The following SV2A variants were observed in gnomAD, a reference collection of about 807,000 sequenced individuals.
SV2A encodes solute carrier family 22 member B1.
SV2A carries 25 observed loss-of-function variants against 78.0 expected under a neutral mutation model. The observed-to-expected ratio is 0.32, with a 90% CI of 0.23 to 0.45. The LOEUF (loss-of-function observed/expected upper bound fraction) is 0.45, where lower values mean the gene tolerates loss of function less well. SV2A is among the 20% of genes least tolerant of loss of function. SV2A has a pLI of 1.00. For missense variants in SV2A, 752 were observed against 971.5 expected (o/e 0.77, Z 3.00); for synonymous variants, 355 against 384.7 (o/e 0.92, Z 0.90).
At chr1:149,906,895 G>C (rs369255585) in intron 10 of SV2A, 39 bp from the exon 11 acceptor site, 3 of 1,610,746 alleles carry the variant, frequency 1.9e-6, no homozygotes, top group African/African-American at 2.7e-5. Context: ...AGTCATAGCA[G>C]ATGGGAGAGG....
Position 149,903,323 on chromosome 1 carries a change from TATTTTGAGG to T in SV2A, c.*1682_*1690del, listed in dbSNP as rs2092411465. ...CACAGAAGCAGGTATAGCCATTTTG[TATTTTGAGG>T]ATTTGTTTCCGTTTTATTTTTCGTC... is the stretch of plus-strand genomic sequence containing the variant. On this transcript the variant is annotated 3_prime_UTR_variant, in exon 13 of 13. Coordinates refer to ENST00000369146, the MANE Select transcript of SV2A (RefSeq NM_014849.5). 6.6e-6 allele frequency: 1 copy of T among 152,280 alleles called. No homozygotes were observed. Among genetic ancestry groups the T allele is most frequent in the Non-Finnish European group, 1.5e-5 (1 of 68,068 alleles). The allele number at this position is 152,280 out of a possible 1,614,324, so 9.4% of individuals were successfully genotyped here. A position where few individuals can be genotyped will look rare whatever the true frequency, so the allele number is the denominator to read the frequency against.
At chr1:149,905,529 C>T (rs1268484672) in intron 12 of SV2A, 2 of 293,704 alleles carry the variant, frequency 6.8e-6, no homozygotes, top group Non-Finnish European at 1.3e-5. Context: ...TCTCGGCTCA[C>T]TGAAAGCTCC....
rs782667190 is a variant in SV2A, at chr1:149,910,556, C to T, written c.1089+14G>A. ...CCGCACCCCACCCCACCCCATGCAG[C>T]TCAGCCCCATCACCTCTAGGAAGAA... On this transcript the variant is annotated intron_variant, in intron 5 of 12. Transcript: ENST00000369146. This position sits in a 1 kb window ranked among gnomAD's most constrained non-coding sequence, Gnocchi z 4.2. The T allele has an allele frequency of 6.3e-7, 1 of 1,597,492 alleles. No individual in the cohort carries two copies. The highest frequency in any genetic ancestry group is 2.3e-5 in the East Asian group (1 of 44,224).
intron 11 of SV2A, 104 bp downstream of exon 11, chr1:149,906,546 C>A (rs1553762774): frequency 1.6e-6 from 2 of 1,245,354 alleles, no homozygotes; most frequent in Admixed American, 4.1e-5. Flanking sequence ...GAGAGAGGAA[C>A]TCTCTGACCA....
chr1:149,917,841 A>G lies in SV2A; in HGVS notation c.-450T>C, dbSNP rs2092526683. On this transcript the variant is annotated 5_prime_UTR_variant, in exon 1 of 13. Transcript: ENST00000369146. ...TGCTCCCGGCACCAGGGAAGCGGCAATGCAGACCTGCCACCCCCCTTCCAC... is the reference window on the plus strand; with the variant it reads ...TGCTCCCGGCACCAGGGAAGCGGCAGTGCAGACCTGCCACCCCCCTTCCAC... 1 of 152,010 alleles carries G rather than the reference A, an allele frequency of 6.6e-6. No individual in the cohort carries two copies. The highest frequency in any genetic ancestry group is 1.5e-5 in the Non-Finnish European group (1 of 68,036). The allele number at this position is 152,010 out of a possible 1,614,324, so 9.4% of individuals were successfully genotyped here.
In SV2A at chr1:149,913,642, G is replaced by C. The variant is rs1050227446; in HGVS notation, c.199C>G (p.Arg67Gly). ...TCCTCATCCTGGGTCCCTTCTCCTCGGTAATAACCATCACTGGGAGCAGGG... is the reference window on the plus strand; with the variant it reads ...TCCTCATCCTGGGTCCCTTCTCCTCCGTAATAACCATCACTGGGAGCAGGG... ...DFPAPSDGYY[R>G]GEGTQDEEEG... Residue 67 changes from arginine to glycine, a missense_variant, in exon 2 of 13, where the codon CGA becomes GGA. This residue lies in a region of SV2A where 291 missense variants were observed against 359.5 expected (regional missense o/e 0.81). Transcript: ENST00000369146. 1 of 1,613,910 alleles carries C rather than the reference G, an allele frequency of 6.2e-7. No individual in the cohort carries two copies. Among genetic ancestry groups the C allele is most frequent in the Admixed American group, 1.7e-5 (1 of 59,998 alleles).
intron 10 of SV2A, 135 bp from the exon 11 acceptor site, chr1:149,906,991 C>A: frequency 6.7e-7 from 1 of 1,483,524 alleles, no homozygotes; most frequent in Non-Finnish European, 9.0e-7. Flanking sequence ...GTGCTAATCA[C>A]AAAACATCAA....
intron 11 of SV2A, 134 bp downstream of exon 11, chr1:149,906,516 A>G (rs2092439092): frequency 3.2e-6 from 3 of 934,554 alleles, no homozygotes; most frequent in Non-Finnish European, 4.8e-6. Flanking sequence ...ATCCTGCAGC[A>G]CCCCCTAAAC....
At chr1:149,909,045 G>C in intron 8 of SV2A, 147 bp downstream of exon 8, 1 of 715,418 alleles carries the variant, frequency 1.4e-6, no homozygotes, top group African/African-American at 1.8e-5. Flanking sequence ...AACTAGCGAA[G>C]TAGAGGAGCT....
Position 149,905,199 on chromosome 1 carries a change from T to C in SV2A, c.2046-2A>G. ...TTCAGGAAGCCAAAAGCTGTGGTCC[T>C]GCTCAGGAGTCCCCCAGTGCAGCAC... On this transcript the variant is annotated splice_acceptor_variant, in intron 12 of 12. Coordinates refer to ENST00000369146, the MANE Select transcript of SV2A (RefSeq NM_014849.5). LOFTEE classifies it high-confidence loss of function. The C allele has an allele frequency of 1.2e-6, 2 of 1,604,826 alleles. No homozygotes were observed. Among genetic ancestry groups the C allele is most frequent in the Non-Finnish European group, 1.7e-6 (2 of 1,175,770 alleles).
Position 149,905,186 on chromosome 1 carries a change from A to T in SV2A, c.2057T>A (p.Phe686Tyr). 6.2e-7 allele frequency: 1 copy of T among 1,608,726 alleles called. No individual in the cohort carries two copies. Among genetic ancestry groups the T allele is most frequent in the Non-Finnish European group, 8.5e-7 (1 of 1,177,572 alleles). Residue 686 changes from phenylalanine (F) to tyrosine (Y), a missense_variant, in exon 13 of 13, where the codon TTT becomes TAT. Coordinates refer to ENST00000369146, the MANE Select transcript of SV2A (RefSeq NM_014849.5). ...CTTACACAGGGCATTCAGGAAGCCA[A>T]AAGCTGTGGTCCTGCTCAGGAGTCC... Reference protein sequence around the residue: ...LYPSDKRTTAFGFLNALCKLA... With the variant: ...LYPSDKRTTAYGFLNALCKLA...
At position 149,910,512 on chromosome 1, in the gene SV2A, G is replaced by T. The variant is rs1005406974; in HGVS notation, c.1089+58C>A. ...GTGTTTGAACACAGAAGCCCCTGCT[G>T]CCGTCCACACTCCACAGCCCGCACC... On this transcript the variant is annotated intron_variant, in intron 5 of 12. Transcript: ENST00000369146. This position sits in a 1 kb window ranked among gnomAD's most constrained non-coding sequence, Gnocchi z 4.2. 3.3e-6 allele frequency: 5 copies of T among 1,499,920 alleles called. No individual in the cohort carries two copies. In the African/African-American group the frequency reaches 7.0e-5, roughly 21 times the overall value. 92.9% of individuals were successfully genotyped at this position (1,499,920 alleles called of 1,614,324 possible). A position where few individuals can be genotyped will look rare whatever the true frequency, so the allele number is the denominator to read the frequency against.
chr1:149,909,943 A>T (rs2092465187), intron 5 of SV2A, 53 bp from the exon 6 acceptor site: 1 of 1,556,414 alleles, frequency 6.4e-7, no homozygotes, highest in African/African-American at 1.4e-5. Flanking sequence ...CCTGACCCAG[A>T]GTTATAGACC....
chr1:149,908,838 G>GTGT (rs1457654359), intron 8 of SV2A, among the ~76,000 whole-genome samples: 2 of 151,908 alleles, frequency 1.3e-5, no homozygotes, highest in Non-Finnish European at 2.9e-5. Flanking sequence ...GGGTTTCACC[G>GTGT]TAGCCAGGAT....
intron 1 of SV2A, among the ~76,000 whole-genome samples, chr1:149,916,432 G>A (rs1253681566): frequency 6.6e-6 from 1 of 152,234 alleles, no homozygotes; most frequent in African/African-American, 2.4e-5. Context: ...CTGGGGGAGT[G>A]AGACAAGACT....
chr1:149,909,572 C>G lies in SV2A; in HGVS notation c.1180-1G>C. On this transcript the variant is annotated splice_acceptor_variant, in intron 6 of 12. Transcript: ENST00000369146. LOFTEE classifies it high-confidence loss of function. ...GATGAATCGTCTTAATGTGGGTTAC[C>G]TGGGGTCAAGAGAAGGGGTGGGCAG... The G allele has an allele frequency of 6.2e-7, 1 of 1,613,852 alleles. No homozygotes were observed. Among genetic ancestry groups the G allele is most frequent in the Non-Finnish European group, 8.5e-7 (1 of 1,179,778 alleles).
chr1:149,909,534 A>C lies in SV2A; in HGVS notation c.1217T>G (p.Leu406Trp), dbSNP rs782576338. The C allele has an allele frequency of 6.2e-7, 1 of 1,613,954 alleles. No homozygotes were observed. Among genetic ancestry groups the C allele is most frequent in the African/African-American group, 1.3e-5 (1 of 74,952 alleles). Residue 406 changes from leucine (L) to tryptophan (W), a missense_variant, in exon 7 of 13, where the codon TTG becomes TGG. Physicochemically the swap from Leu to Trp is moderately conservative, Grantham distance 61. This residue lies in a region of SV2A where 136 missense variants were observed against 132.3 expected (regional missense o/e 1.03). Coordinates refer to ENST00000369146, the MANE Select transcript of SV2A (RefSeq NM_014849.5). ...CCCTGTGTCCGACTGGATCTCAATC[A>C]ATTCATCCTCCTGATGAATCGTCTT... Reference protein sequence around the residue: ...HIKTIHQEDELIEIQSDTGTW... With the variant: ...HIKTIHQEDEWIEIQSDTGTW...
intron 1 of SV2A, among the ~76,000 whole-genome samples, chr1:149,915,951 A>C (rs1553764499): frequency 6.6e-6 from 1 of 152,022 alleles, no homozygotes; most frequent in African/African-American, 2.4e-5. Context: ...GACGGTAAGC[A>C]ATGCTATGTG....
In SV2A at chr1:149,909,554, C is replaced by T. The variant is rs375397567; in HGVS notation, c.1197G>A (p.Thr399=). The change falls in exon 7 of 13, where the codon ACG becomes ACA. Residue 399 remains threonine (T), a synonymous_variant. Transcript: ENST00000369146. ...ERVFSVTHIK[T]IHQEDELIEI... Reference sequence around the variant, plus strand: ...CAATCAATTCATCCTCCTGATGAATCGTCTTAATGTGGGTTACCTGGGGTC... The same window carrying T: ...CAATCAATTCATCCTCCTGATGAATTGTCTTAATGTGGGTTACCTGGGGTC... 8.1e-6 allele frequency: 13 copies of T among 1,614,010 alleles called. No homozygotes were observed. Among genetic ancestry groups the T allele is most frequent in the Admixed American group, 5.0e-5 (3 of 60,028 alleles).
Sources: allele counts gnomAD v4.1 joint callset (sites outside exome capture counted in the v4.1 genomes callset), GRCh38; gene constraint gnomAD v4.1.1; regional missense constraint gnomAD v4.1.1; non-coding constraint Gnocchi (gnomAD v3.1); transcripts MANE v1.5; gene names NCBI Gene and HGNC (gene_info 2026-07-23, HGNC 2026-07-21).